SLC12A3: variants seen among roughly 807,000 people sequenced by gnomAD.
SLC12A3 encodes solute carrier family 12 member 3, also known as Na-Cl cotransporter.
Under a neutral mutation model 121.0 loss-of-function variants are expected in SLC12A3, and 104 were observed. The ratio of observed to expected loss-of-function variants is 0.86; its 90% confidence interval spans 0.73 to 1.01. The LOEUF (loss-of-function observed/expected upper bound fraction) is 1.01, where lower values mean the gene tolerates loss of function less well. Among genes scored for constraint, SLC12A3 ranks in the 50% least tolerant of loss-of-function variants. The probability of loss-of-function intolerance (pLI) is 0.00; values close to 1 mark genes in which losing one functional copy is unlikely to be tolerated. For missense variants in SLC12A3, 1,328 were observed against 1,356.3 expected (o/e 0.98, Z 0.33); for synonymous variants, 536 against 533.4 (o/e 1.00, Z -0.07).
At chr16:56,908,756 T>A (rs2055643793) in intron 25 of SLC12A3, among the ~76,000 whole-genome samples, 1 of 152,184 alleles carries the variant, frequency 6.6e-6, no homozygotes, top group South Asian at 2.1e-4. Context: ...TGGGCTTATC[T>A]CCAAACCTCT....
rs2055323049 is a variant in SLC12A3 at position 56,887,042 on chromosome 16, C to T, written c.2127C>T (p.Tyr709=). The T allele has an allele frequency of 1.2e-6, 2 of 1,614,012 alleles. No homozygotes were observed. The highest frequency in any genetic ancestry group is 1.7e-6 in the Non-Finnish European group (2 of 1,180,024). The change falls in exon 17 of 26, where the codon TAC becomes TAT. Residue 709 remains tyrosine (Y), a synonymous_variant. Coordinates refer to ENST00000563236, the MANE Select transcript of SLC12A3 (RefSeq NM_001126108.2). The stretch of plus-strand genomic sequence containing the variant: ...ACAAGAGGAAGATCAAGGCCTTCTA[C>T]TCGGATGTCATTGCCGAGGACCTCC... ...WLNKRKIKAF[Y]SDVIAEDLRR...
chr16:56,911,313 TTG>T lies in SLC12A3; in HGVS notation c.2925-1949_2925-1948del, dbSNP rs570413041. On this transcript the variant is annotated intron_variant, in intron 25 of 25. Transcript: ENST00000563236. ...TTCCCTAATTTTTGAGACCTTTTGT[TTG>T]TTTGTTTGTTTGTTTGTTTGTTTGT... is the stretch of plus-strand genomic sequence containing the variant. 1.5e-3 allele frequency among the ~76,000 whole-genome samples: 213 copies of T among 146,692 alleles called. 1 individual carries two copies. Among genetic ancestry groups the T allele is most frequent in the African/African-American group, 5.3e-3 (200 of 37,668 alleles).
At chr16:56,891,982 C>G (rs2304482) in intron 19 of SLC12A3, 101 bp from the exon 20 acceptor site, 2 of 893,402 alleles carry the variant, frequency 2.2e-6, no homozygotes, top group East Asian at 4.9e-5. Flanking sequence ...GGTGGGGCAT[C>G]GGGACTTTCT....
intron 9 of SLC12A3, 93 bp downstream of exon 9, chr16:56,878,254 G>A (rs2055192285): frequency 3.0e-6 from 3 of 992,532 alleles, no homozygotes; most frequent in Non-Finnish European, 4.8e-6. Context: ...GGATCAGAGG[G>A]TGGGGTTCGA....
In SLC12A3 at chr16:56,915,367, C is replaced by G. The variant is rs1567454062; in HGVS notation, c.*1962C>G. 1 of 152,212 alleles carries G rather than the reference C, an allele frequency of 6.6e-6. No individual in the cohort carries two copies. Among genetic ancestry groups the G allele is most frequent in the East Asian group, 1.9e-4 (1 of 5,202 alleles). 9.4% of individuals were successfully genotyped at this position (152,212 alleles called of 1,614,324 possible). A position where few individuals can be genotyped will look rare whatever the true frequency, so the allele number is the denominator to read the frequency against. On this transcript the variant is annotated 3_prime_UTR_variant, in exon 26 of 26. Coordinates refer to ENST00000563236, the MANE Select transcript of SLC12A3 (RefSeq NM_001126108.2). Reference sequence around the variant, plus strand: ...AAGTCTCCTTTCTGGAGTTACAACCCAAAGGATGTTAGCATTTCTCAGGTC... The same window carrying G: ...AAGTCTCCTTTCTGGAGTTACAACCGAAAGGATGTTAGCATTTCTCAGGTC...
At position 56,892,149 on chromosome 16, in the gene SLC12A3, T is replaced by G. The variant is rs988766063; in HGVS notation, c.2419+16T>G. On this transcript the variant is annotated intron_variant, in intron 20 of 25. Transcript: ENST00000563236. ...AGCGCCAGAGGTGCCAGGCCATCAG[T>G]CTCTGGCGCTTGTCAGTGTTCCCAC... 9.3e-6 allele frequency: 15 copies of G among 1,612,568 alleles called. No individual in the cohort carries two copies. In the Admixed American group the frequency reaches 2.3e-4, roughly 25 times the overall value.
chr16:56,884,300 G>T, intron 14 of SLC12A3, 96 bp downstream of exon 14: 1 of 1,292,864 alleles, frequency 7.7e-7, no homozygotes, highest in East Asian at 2.3e-5. Context: ...CCTGAGTCCG[G>T]CTCTGTGCTG....
Position 56,893,002 on chromosome 16 carries a change from G to A in SLC12A3, c.2469G>A (p.Gln823=), listed in dbSNP as rs2055410407. The change falls in exon 21 of 26, where the codon CAG becomes CAA. Residue 823 remains glutamine, a synonymous_variant. Coordinates refer to ENST00000563236, the MANE Select transcript of SLC12A3 (RefSeq NM_001126108.2). ...AGGAGCAGGCCACCACCATCTTCCAGTCGGAGCAGGGCAAGAAGACCATAG... is the reference window on the plus strand; with the variant it reads ...AGGAGCAGGCCACCACCATCTTCCAATCGGAGCAGGGCAAGAAGACCATAG... ...VKEEQATTIF[Q]SEQGKKTIDI... 6.2e-7 allele frequency: 1 copy of A among 1,614,116 alleles called. No homozygotes were observed. The highest frequency in any genetic ancestry group is 1.3e-5 in the African/African-American group (1 of 74,956).
At chr16:56,879,704 G>A in intron 11 of SLC12A3, 55 bp downstream of exon 11, 1 of 1,307,722 alleles carries the variant, frequency 7.6e-7, no homozygotes, top group South Asian at 1.2e-5. Context: ...TGGGCTAGAG[G>A]CACAATAGGG....
intron 18 of SLC12A3, 102 bp from the exon 19 acceptor site, chr16:56,890,172 T>C (rs2055369173): frequency 1.1e-5 from 9 of 852,988 alleles, no homozygotes; most frequent in Non-Finnish European, 1.6e-5. Context: ...AAGGGCGTGG[T>C]AGGAAGCAGA....
In SLC12A3 at chr16:56,867,092, C is replaced by T. The variant is rs771862753; in HGVS notation, c.305C>T (p.Ala102Val). The T allele has an allele frequency of 6.2e-7, 1 of 1,613,594 alleles. No individual in the cohort carries two copies. Among genetic ancestry groups the T allele is most frequent in the Admixed American group, 1.7e-5 (1 of 60,030 alleles). ...CAGCAGGAAGGCAGACACCTGCATGCCCTGGCCTTTGACAGCCGGCCCAGC... is the reference window on the plus strand; with the variant it reads ...CAGCAGGAAGGCAGACACCTGCATGTCCTGGCCTTTGACAGCCGGCCCAGC... ...FLKQEGRHLH[A>V]LAFDSRPSHE... The change falls in exon 2 of 26, where the codon GCC (alanine) becomes GTC (valine). Residue 102 changes from alanine (A) to valine (V), a missense_variant. By Grantham distance (64) the Ala-to-Val change is moderately conservative. Coordinates refer to ENST00000563236, the MANE Select transcript of SLC12A3 (RefSeq NM_001126108.2).
chr16:56,870,495 CA>C (rs2055078299), intron 5 of SLC12A3, 130 bp from the exon 6 acceptor site: 1 of 777,478 alleles, frequency 1.3e-6, no homozygotes, highest in African/African-American at 1.7e-5. Flanking sequence ...GACTCGATGG[CA>C]GGGGTGGTGC....
In SLC12A3 at chr16:56,870,804, G is replaced by A. The variant is rs1360955398; in HGVS notation, c.852+68G>A. On this transcript the variant is annotated intron_variant, in intron 6 of 25. Coordinates refer to ENST00000563236, the MANE Select transcript of SLC12A3 (RefSeq NM_001126108.2). ...GGAGAAGCGGGGGTTGCCAGGCCTG[G>A]GCCCTCCCTGGTCCTCTGCCTTTTC... 7 of 887,774 alleles carry A rather than the reference G, an allele frequency of 7.9e-6. No homozygotes were observed. The East Asian group carries it at 9.9e-5, about 13-fold the overall frequency. 55.0% of individuals were successfully genotyped at this position (887,774 alleles called of 1,614,324 possible).
At chr16:56,908,532 A>C (rs7203447) in intron 25 of SLC12A3, among the ~76,000 whole-genome samples, 4,703 of 152,246 alleles carry the variant, frequency 0.031, 248 homozygotes, top group African/African-American at 0.099. Context: ...CATTAGAAAA[A>C]AAGAAAAAAA....
At chr16:56,911,859 C>T (rs1387295123) in intron 25 of SLC12A3, among the ~76,000 whole-genome samples, 1 of 152,268 alleles carries the variant, frequency 6.6e-6, no homozygotes, top group East Asian at 1.9e-4. Context: ...ATGACAGCTG[C>T]TGACCTTACA....
chr16:56,900,306 A>G (rs1007422197), intron 23 of SLC12A3, among the ~76,000 whole-genome samples: 1 of 152,162 alleles, frequency 6.6e-6, no homozygotes, highest in African/African-American at 2.4e-5. Context: ...CTGCAGCCCC[A>G]TCCTCCAAGC....
intron 14 of SLC12A3, among the ~76,000 whole-genome samples, chr16:56,884,580 G>A (rs548561050): frequency 6.6e-6 from 1 of 152,212 alleles, no homozygotes; most frequent in Non-Finnish European, 1.5e-5. Flanking sequence ...ATGGCAGGCA[G>A]ACAAAGCTTG....
At position 56,906,542 on chromosome 16, in the gene SLC12A3, A is replaced by G. The variant is rs867840581; in HGVS notation, c.2924+2080A>G. 4.4e-4 allele frequency: 97 copies of G among 221,962 alleles called. 1 individual carries two copies. Among genetic ancestry groups the G allele is most frequent in the African/African-American group, 2.1e-3 (89 of 42,744 alleles). 13.7% of individuals were successfully genotyped at this position (221,962 alleles called of 1,614,324 possible). ...GAGGATTGACTGCCATCCTGAATGA[A>G]TCAGTAAGTATCCAAACTAGGAAGG... On this transcript the variant is annotated intron_variant, in intron 25 of 25. Transcript: ENST00000563236.
chr16:56,879,020 G>C, intron 9 of SLC12A3, 53 bp from the exon 10 acceptor site: 2 of 1,564,022 alleles, frequency 1.3e-6, no homozygotes, highest in Non-Finnish European at 1.7e-6. Context: ...GCTGGAAGAG[G>C]ACAGAGTAAG....
Sources: gnomAD v4.1 joint callset for allele counts (sites outside exome capture counted in the v4.1 genomes callset) on GRCh38, gnomAD v4.1.1 for gene constraint, MANE v1.5 for transcripts, NCBI Gene and HGNC (gene_info 2026-07-23, HGNC 2026-07-21) for gene names.